THRAP3: variants seen among roughly 807,000 people sequenced by gnomAD.
THRAP3 encodes the protein thyroid hormone receptor-associated protein 3.
A neutral mutation model predicts 101.0 loss-of-function variants in THRAP3; 16 were observed. That is an observed-to-expected ratio of 0.16 (90% confidence interval 0.11 to 0.24). THRAP3 has a LOEUF of 0.24. Ranked by LOEUF, THRAP3 falls within the 10% of genes least tolerant of loss-of-function variation. The pLI is 1.00. For synonymous variants in THRAP3, 407 were observed against 422.6 expected, an observed-to-expected ratio of 0.96 and a Z score of 0.45; for missense variants, 989 against 1,202.7, an observed-to-expected ratio of 0.82 and a Z score of 2.63.
chr1:36,226,379 C>G (rs946700916), intron 1 of THRAP3, among the ~76,000 whole-genome samples: 1 of 152,184 alleles, frequency 6.6e-6, no homozygotes, highest in African/African-American at 2.4e-5. Flanking sequence ...CCTGCTTCTG[C>G]CTCCTGAGTA....
intron 3 of THRAP3, among the ~76,000 whole-genome samples, chr1:36,284,235 A>C (rs1045063441): frequency 6.6e-6 from 1 of 152,206 alleles, no homozygotes; most frequent in African/African-American, 2.4e-5. Context: ...TTGTTCTGCA[A>C]ATCATTTGGC....
intron 1 of THRAP3, chr1:36,225,356 A>G (rs17492455): frequency 0.022 from 3,399 of 152,304 alleles, 52 homozygotes; most frequent in Non-Finnish European, 0.032. Flanking sequence ...TAACAGAAGT[A>G]TCCTGAACCA....
chr1:36,220,972 A>AAAAAAAAAAAAAAATATAT (rs1285765741), upstream of THRAP3, among the ~76,000 whole-genome samples: 1 of 94,144 alleles, frequency 1.1e-5, no homozygotes, highest in African/African-American at 4.7e-5. Flanking sequence ...AAAAAAAAAA[A>AAAAAAAAAAAAAAATATAT]ATATATATAT....
chr1:36,289,706 A>C lies in THRAP3; in HGVS notation c.1687A>C (p.Ile563Leu). ...DFPTGKSSFS[I>L]TREAQVNVRM... ...TCCCACAGGAAAGTCTTCCTTTTCC[A>C]TTACTCGAGAGGCACAGGTCAATGT... Residue 563 changes from isoleucine (I) to leucine (L), a missense_variant, in exon 5 of 12, where the codon ATT (isoleucine) becomes CTT (leucine). By Grantham distance (5) the Ile-to-Leu change is conservative (BLOSUM62 2). Transcript: ENST00000354618. 6.2e-7 allele frequency: 1 copy of C among 1,614,044 alleles called. No homozygotes were observed. Among genetic ancestry groups the C allele is most frequent in the Non-Finnish European group, 8.5e-7 (1 of 1,179,978 alleles).
chr1:36,243,187 A>G (rs1570249298), intron 1 of THRAP3, among the ~76,000 whole-genome samples: 2 of 148,338 alleles, frequency 1.3e-5, no homozygotes, highest in African/African-American at 5.0e-5. Flanking sequence ...CTGAGCCCAA[A>G]TGAGGGTTTC....
intron 8 of THRAP3, among the ~76,000 whole-genome samples, chr1:36,295,029 G>A (rs2124628679): frequency 6.6e-6 from 1 of 152,188 alleles, no homozygotes; most frequent in East Asian, 1.9e-4. Context: ...TTTGACACCA[G>A]CCTGACCTAC....
intron 2 of THRAP3, among the ~76,000 whole-genome samples, chr1:36,274,953 G>T (rs564095558): frequency 2.1e-4 from 32 of 150,738 alleles, no homozygotes; most frequent in Middle Eastern, 3.4e-3. Context: ...TTTGACAAGG[G>T]TGCCAGGACA....
rs1350093196 is a variant in THRAP3, at chr1:36,304,010, C to T, written c.2861C>T (p.Thr954Ile). The T allele has an allele frequency of 2.6e-6, 4 of 1,546,984 alleles. No homozygotes were observed. The highest frequency in any genetic ancestry group is 3.5e-6 in the Non-Finnish European group (4 of 1,146,728). Reference protein sequence around the residue: ...REEKDNIQPTTE With the variant: ...REEKDNIQPTIE ...GAGAAGGACAATATACAGCCCACAA[C>T]CGAGTAGGGGCCACCCTTGACGGGA... The change falls in exon 12 of 12, where the codon ACC becomes ATC. Residue 954 changes from threonine (T) to isoleucine (I), a missense_variant. Physicochemically the swap from Thr to Ile is moderately conservative, Grantham distance 89 (BLOSUM62 -1). Coordinates refer to ENST00000354618, the MANE Select transcript of THRAP3 (RefSeq NM_005119.4).
intron 2 of THRAP3, among the ~76,000 whole-genome samples, chr1:36,269,216 AT>A (rs1260716355): frequency 6.6e-6 from 1 of 151,778 alleles, no homozygotes; most frequent in Non-Finnish European, 1.5e-5. Flanking sequence ...TGATGGTGAA[AT>A]TTGCCAGGCT....
chr1:36,237,806 G>C (rs994870339), intron 1 of THRAP3, among the ~76,000 whole-genome samples: 16 of 152,018 alleles, frequency 1.1e-4, no homozygotes, highest in Non-Finnish European at 2.2e-4. Context: ...CAACTAGGTA[G>C]GAAATAGGTT....
chr1:36,295,223 CAAAAAAAAAAAAG>C (rs1159628475), intron 8 of THRAP3, among the ~76,000 whole-genome samples: 2 of 118,780 alleles, frequency 1.7e-5, no homozygotes, highest in African/African-American at 6.4e-5. Context: ...AACTCTGTCT[CAAAAAAAAAAAAG>C]GAAAAAAAAA....
chr1:36,275,260 A>G (rs1645643358), intron 2 of THRAP3, among the ~76,000 whole-genome samples: 1 of 140,028 alleles, frequency 7.1e-6, no homozygotes. Context: ...ACTGCACTCC[A>G]GCCTGGGCGA....
the THRAP3 span, among the ~76,000 whole-genome samples, chr1:36,213,989 GAAAGAAAGGAAAGAAA>G: frequency 2.1e-3 from 184 of 88,988 alleles, no homozygotes; most frequent in African/African-American, 9.4e-3. Context: ...AAGAAAGAAA[GAAAGAAAGGAAAGAAA>G]GAAAGAAAGA....
Position 36,293,954 on chromosome 1 carries a change from C to A in THRAP3, c.2115+19C>A. On this transcript the variant is annotated intron_variant, in intron 8 of 11. Coordinates refer to ENST00000354618, the MANE Select transcript of THRAP3 (RefSeq NM_005119.4). ...CTACAAGGTGAACTGTTGATTTGAT[C>A]AGTAATTCCAACAAAATGAGTGCGT... The A allele has an allele frequency of 6.2e-7, 1 of 1,607,456 alleles. No individual in the cohort carries two copies. The highest frequency in any genetic ancestry group is 2.2e-5 in the East Asian group (1 of 44,758).
At chr1:36,291,333 G>A (rs1645865353) in intron 5 of THRAP3, 41 bp from the exon 6 acceptor site, 5 of 1,588,918 alleles carry the variant, frequency 3.1e-6, no homozygotes, top group Middle Eastern at 2.1e-4. Context: ...TTCTTCCTGT[G>A]TATTGTGTTC....
At chr1:36,228,465 G>A (rs1329641106) in intron 1 of THRAP3, among the ~76,000 whole-genome samples, 1 of 152,206 alleles carries the variant, frequency 6.6e-6, no homozygotes, top group Non-Finnish European at 1.5e-5. Flanking sequence ...CAATTGATCC[G>A]ACCGTTTTGG....
chr1:36,233,653 C>T (rs1050795952), intron 1 of THRAP3, among the ~76,000 whole-genome samples: 3 of 152,062 alleles, frequency 2.0e-5, no homozygotes, highest in Non-Finnish European at 4.4e-5. Flanking sequence ...GTAGTCCCAG[C>T]TACTTAGGGG....
intron 7 of THRAP3, among the ~76,000 whole-genome samples, chr1:36,293,639 A>AGTGTGT (rs1645906941): frequency 7.3e-5 from 1 of 13,732 alleles, no homozygotes; most frequent in Non-Finnish European, 2.3e-4. Context: ...GGAACCTGGG[A>AGTGTGT]CTGTGTGTGT....
the THRAP3 span, among the ~76,000 whole-genome samples, chr1:36,217,352 G>A: frequency 1.3e-5 from 2 of 152,142 alleles, no homozygotes; most frequent in Non-Finnish European, 2.9e-5. Flanking sequence ...AAAGCTACCT[G>A]AGTATGCCAG....
Sources: allele counts gnomAD v4.1 joint callset (sites outside exome capture counted in the v4.1 genomes callset), GRCh38; gene constraint gnomAD v4.1.1; transcripts MANE v1.5; gene names NCBI Gene and HGNC (gene_info 2026-07-23, HGNC 2026-07-21).